Variants in NID2 observed in about 807,000 individuals in gnomAD.
The protein encoded by NID2 is nidogen 2.
A neutral mutation model predicts 145.4 loss-of-function variants in NID2; 83 were observed. The ratio of observed to expected loss-of-function variants is 0.57; its 90% CI spans 0.48 to 0.69. NID2 has a LOEUF of 0.69. Among genes scored for constraint, NID2 ranks in the 30% least tolerant of loss-of-function variants. The pLI, the probability that NID2 is intolerant of heterozygous loss-of-function variation, is 0.00. For synonymous variants in NID2, 739 were observed against 701.3 expected, an observed-to-expected ratio of 1.05 and a Z score of -0.85; for missense variants, 1,807 against 1,765.7, an observed-to-expected ratio of 1.02 and a Z score of -0.42.
intron 2 of NID2, 46 bp downstream of exon 2, chr14:52,067,812 C>T (rs977184666): frequency 6.3e-6 from 10 of 1,599,508 alleles, no homozygotes; most frequent in Non-Finnish European, 7.7e-6. Flanking sequence ...AGAATTTAAG[C>T]CCATCCTTCA....
intron 16 of NID2, 95 bp downstream of exon 16, chr14:52,014,192 C>T (rs765317421): frequency 1.3e-6 from 2 of 1,525,844 alleles, no homozygotes; most frequent in South Asian, 2.3e-5. Context: ...CAGGACTTCC[C>T]TGCACCAGTC....
In NID2 at chr14:52,020,163, G is replaced by C. The variant is rs753479307; in HGVS notation, c.2690C>G (p.Ser897Ter). ...GHQCTDVDEC[S>*]ENRCHPAATC... ...AGCTGCAGGGTGACATCTGTTTTCT[G>C]AGCATTCATCTACATCTGCAGAGGT... Residue 897 changes from serine to a stop codon, truncating the protein, a stop_gained, in exon 13 of 22, where the codon TCA becomes TGA. Transcript: ENST00000216286. LOFTEE classifies it high-confidence loss of function. The C allele has an allele frequency of 6.2e-7, 1 of 1,613,916 alleles. No individual in the cohort carries two copies. The highest frequency in any genetic ancestry group is 8.5e-7 in the Non-Finnish European group (1 of 1,179,842).
intron 18 of NID2, chr14:52,008,770 A>G (rs1890891853): frequency 6.6e-6 from 1 of 152,202 alleles, no homozygotes; most frequent in Non-Finnish European, 1.5e-5. Flanking sequence ...ATGGAACTTG[A>G]AGAGATGTGG....
rs10129689 is a variant in NID2, at chr14:52,046,139, C to T, written c.1430-3208G>A. Among the ~76,000 whole-genome samples the T allele has an allele frequency of 3.5e-3, 536 of 151,960 alleles. 5 individuals carry two copies. The highest frequency in any genetic ancestry group is 0.012 in the African/African-American group (516 of 41,452). On this transcript the variant is annotated intron_variant, in intron 5 of 21. Transcript: ENST00000216286. Reference sequence around the variant, plus strand: ...GAGACTGAGACCATCCTGGCTAACACGGTGAAACCCCGTCTCTACTAAAAA... The same window carrying T: ...GAGACTGAGACCATCCTGGCTAACATGGTGAAACCCCGTCTCTACTAAAAA...
At position 52,005,823 on chromosome 14, in the gene NID2, T is replaced by C. The variant is rs139641562; in HGVS notation, c.4031A>G (p.His1344Arg). 3.7e-6 allele frequency: 6 copies of C among 1,613,208 alleles called. No individual in the cohort carries two copies. In the East Asian group the frequency reaches 1.3e-4, roughly 36 times the overall value. ...RRDGVVSVNKHSGQFTDEYLP... is the reference protein window; with the variant it reads ...RRDGVVSVNKRSGQFTDEYLP... The stretch of plus-strand genomic sequence containing the variant: ...ATACTCATCAGTAAACTGGCCACTA[T>C]GTTTATTTACTGATACAACACCATC... The change falls in exon 21 of 22, where the codon CAT (histidine) becomes CGT (arginine). Residue 1344 changes from histidine to arginine, a missense_variant. His to Arg is a conservative substitution (Grantham distance 29, BLOSUM62 0). Coordinates refer to ENST00000216286, the MANE Select transcript of NID2 (RefSeq NM_007361.4).
At chr14:52,034,235 A>G (rs2173146) in intron 9 of NID2, among the ~76,000 whole-genome samples, 127,240 of 152,000 alleles carry the variant, frequency 0.84, 54,321 homozygotes, top group East Asian at 0.97. Context: ...GTATGTCTCT[A>G]GGAAAAATAT....
At chr14:52,034,688 G>A (rs578235846) in intron 9 of NID2, among the ~76,000 whole-genome samples, 1 of 152,298 alleles carries the variant, frequency 6.6e-6, no homozygotes, top group African/African-American at 2.4e-5. Context: ...GGCTTAAGGA[G>A]CCCTCAGCTC....
rs576014947 is a variant in NID2 at position 52,041,308 on chromosome 14, T to C, written c.1826-457A>G. ...AAATTGTTTATCTGAAATACAAATT[T>C]ATCCAGGTGTGCCATTTTTTATCTA... On this transcript the variant is annotated intron_variant, in intron 7 of 21. Transcript: ENST00000216286. Among the ~76,000 whole-genome samples, 7 of 152,346 alleles carry C rather than the reference T, an allele frequency of 4.6e-5. No individual in the cohort carries two copies. The East Asian group carries it at 1.3e-3, about 29-fold the overall frequency.
Position 52,032,812 on chromosome 14 carries a change from A to AAAAACAAAAAACAAAAAAC in NID2, c.2258-3123_2258-3122insGTTTTTTGTTTTTTGTTTT, listed in dbSNP as rs768138463. Among the ~76,000 whole-genome samples, 1,283 of 151,492 alleles carry AAAAACAAAAAACAAAAAAC rather than the reference A, an allele frequency of 8.5e-3. 20 individuals are homozygous for AAAAACAAAAAACAAAAAAC. The highest frequency in any genetic ancestry group is 0.03 in the African/African-American group (1,237 of 41,206). On this transcript the variant is annotated intron_variant, in intron 9 of 21. Transcript: ENST00000216286. The stretch of plus-strand genomic sequence containing the variant: ...CCTGCTAGGCATTAAAAGAAAAAAA[A>AAAAACAAAAAACAAAAAAC]AAAATCTCAGCTCAAAAGTTGACTT...
At chr14:52,020,669 T>G (rs1891373807) in intron 12 of NID2, among the ~76,000 whole-genome samples, 1 of 152,200 alleles carries the variant, frequency 6.6e-6, no homozygotes, top group South Asian at 2.1e-4. Context: ...ATTTTTCAGC[T>G]AAGAAGCACA....
chr14:52,014,382 A>G lies in NID2; in HGVS notation c.3325T>C (p.Phe1109Leu), dbSNP rs777959988. ...PDVTPPSVGT[F>L]LLYTQGQQIG... is the part of the protein sequence containing the mutation. ...TGCTGGCCCTGAGTATAGAGCAGGAAGGTGCCCACAGATGGAGGGGTCACA... is the reference window on the plus strand; with the variant it reads ...TGCTGGCCCTGAGTATAGAGCAGGAGGGTGCCCACAGATGGAGGGGTCACA... Residue 1109 changes from phenylalanine to leucine, a missense_variant, in exon 16 of 22, where the codon TTC becomes CTC. By Grantham distance (22) the Phe-to-Leu change is conservative. Transcript: ENST00000216286. 1.2e-6 allele frequency: 2 copies of G among 1,614,122 alleles called. No homozygotes were observed. The highest frequency in any genetic ancestry group is 1.3e-5 in the African/African-American group (1 of 74,952).
In NID2 at chr14:52,068,841, C is replaced by A; in HGVS notation, c.154G>T (p.Asp52Tyr). The A allele has an allele frequency of 6.2e-7, 1 of 1,613,038 alleles. No individual in the cohort carries two copies. Residue 52 changes from aspartate to tyrosine, a missense_variant, in exon 1 of 22, where the codon GAC (aspartate) becomes TAC (tyrosine). Coordinates refer to ENST00000216286, the MANE Select transcript of NID2 (RefSeq NM_007361.4). ...TTCACCACGGCTGAGCTTTCGTCGT[C>A]GCCTTCCTGCAGGAGCTGGTCCCCC... ...SWGDQLLQEGDDESSAVVKLA... is the reference protein window; with the variant it reads ...SWGDQLLQEGYDESSAVVKLA...
chr14:52,006,666 A>T lies in NID2; in HGVS notation c.3881-6T>A. 6.2e-7 allele frequency: 1 copy of T among 1,613,136 alleles called. No homozygotes were observed. The highest frequency in any genetic ancestry group is 1.1e-5 in the South Asian group (1 of 91,008). On this transcript the variant is annotated splice_polypyrimidine_tract_variant and splice_region_variant and intron_variant, in intron 19 of 21. Coordinates refer to ENST00000216286, the MANE Select transcript of NID2 (RefSeq NM_007361.4). ...ACACTCCAGTTTTTTGGTTCCTTTT[A>T]AAACAAAGGGGGAAAATGAGGTCCT...
intron 12 of NID2, among the ~76,000 whole-genome samples, chr14:52,025,193 G>A (rs904218884): frequency 2.0e-5 from 3 of 152,178 alleles, no homozygotes; most frequent in Non-Finnish European, 2.9e-5. Context: ...CATTCCCACT[G>A]TCAGGCTTTG....
At chr14:52,030,572 G>GAAAGAAAAAAAAGA (rs1566755659) in intron 9 of NID2, among the ~76,000 whole-genome samples, 2 of 73,486 alleles carry the variant, frequency 2.7e-5, no homozygotes, top group African/African-American at 1.1e-4. Context: ...AAGAAAGGAA[G>GAAAGAAAAAAAAGA]GAAGGGAAAG....
intron 8 of NID2, among the ~76,000 whole-genome samples, chr14:52,039,459 G>A (rs35931753): frequency 1.3e-5 from 2 of 152,044 alleles, no homozygotes; most frequent in Admixed American, 6.5e-5. Context: ...CCAACACCTC[G>A]CACTTCAGTA....
In NID2 at chr14:52,034,721, G is replaced by A. The variant is rs2749874; in HGVS notation, c.2257+4026C>T. Among the ~76,000 whole-genome samples, 155 of 152,326 alleles carry A rather than the reference G, an allele frequency of 1.0e-3. 1 individual carries two copies. The South Asian group carries it at 0.011, about 11-fold the overall frequency. On this transcript the variant is annotated intron_variant, in intron 9 of 21. Transcript: ENST00000216286. The stretch of plus-strand genomic sequence containing the variant: ...CTCCAATAACAAAGCACAGAACCGC[G>A]TATCACTTACAGATTCACCTCACTG...
At position 52,020,061 on chromosome 14, in the gene NID2, G is replaced by A. The variant is rs1363913121; in HGVS notation, c.2792C>T (p.Pro931Leu). ...GYYGDGFQCI[P>L]DSTSSLTPCE... ...TAATCTGGCCCTCTGAAACTTACCA[G>A]GTATGCACTGAAATCCATCCCCATA... Residue 931 changes from proline (P) to leucine (L), a missense_variant and splice_region_variant, in exon 13 of 22, where the codon CCT becomes CTT. Transcript: ENST00000216286. 1 of 1,613,900 alleles carries A rather than the reference G, an allele frequency of 6.2e-7. No individual in the cohort carries two copies. Among genetic ancestry groups the A allele is most frequent in the Non-Finnish European group, 8.5e-7 (1 of 1,179,812 alleles).
At chr14:52,047,198 T>C (rs1311106839) in intron 5 of NID2, among the ~76,000 whole-genome samples, 1 of 152,102 alleles carries the variant, frequency 6.6e-6, no homozygotes, top group African/African-American at 2.4e-5. Context: ...AGTAAATTAC[T>C]TAGTGGGGTG....
Sources: gnomAD v4.1 joint callset for allele counts (sites outside exome capture counted in the v4.1 genomes callset) on GRCh38, gnomAD v4.1.1 for gene constraint, MANE v1.5 for transcripts, NCBI Gene and HGNC (gene_info 2026-07-23, HGNC 2026-07-21) for gene names.